Variants in SAXO1 observed in about 807,000 individuals in gnomAD.
The protein encoded by SAXO1 is stabilizer of axonemal microtubules 1.
In SAXO1, 21 loss-of-function variants were observed where a neutral mutation model predicts 17.5. That is an observed-to-expected ratio of 1.20 (90% confidence interval 0.85 to 1.72). The LOEUF (loss-of-function observed/expected upper bound fraction) is 1.72, where lower values mean the gene tolerates loss of function less well. SAXO1 is among the 40% of genes most tolerant of loss of function. SAXO1 has a pLI of 0.00. For missense variants in SAXO1, 843 were observed against 596.0 expected (o/e 1.41, Z -4.32); for synonymous variants, 274 against 216.5 (o/e 1.27, Z -2.33).
At chr9:19,039,526 G>T (rs1473752724) in intron 1 of SAXO1, among the ~76,000 whole-genome samples, 1 of 152,100 alleles carries the variant, frequency 6.6e-6, no homozygotes, top group Non-Finnish European at 1.5e-5. Flanking sequence ...CAGTGTTCAG[G>T]TTACCTTGAG....
chr9:18,997,327 G>C (rs1303329230), intron 1 of SAXO1, among the ~76,000 whole-genome samples: 4 of 152,244 alleles, frequency 2.6e-5, no homozygotes, highest in African/African-American at 4.8e-5. Flanking sequence ...CATGCCCACA[G>C]AGCCTTCTCA....
intron 1 of SAXO1, among the ~76,000 whole-genome samples, chr9:19,018,688 A>G (rs1835099838): frequency 6.6e-6 from 1 of 152,232 alleles, no homozygotes; most frequent in Non-Finnish European, 1.5e-5. Flanking sequence ...ACAGTACCCA[A>G]AAGTTATCCA....
intron 1 of SAXO1, among the ~76,000 whole-genome samples, chr9:19,024,012 CTTTTTTTTTTTTTTTTTT>C (rs71333077): frequency 1.6e-4 from 6 of 38,116 alleles, no homozygotes; most frequent in African/African-American, 2.2e-4. Context: ...CTCTTTAAGG[CTTTTTTTTTTTTTTTTTT>C]TTTTTTTTTT....
At chr9:18,935,821 G>T (rs10963847) in intron 3 of SAXO1, among the ~76,000 whole-genome samples, 57,226 of 151,966 alleles carry the variant, frequency 0.38, 11,003 homozygotes, top group East Asian at 0.53. Flanking sequence ...AACTCCTGGG[G>T]ATGCACTCTA....
intron 1 of SAXO1, among the ~76,000 whole-genome samples, chr9:19,005,159 C>G (rs1164932392): frequency 6.6e-6 from 1 of 152,092 alleles, no homozygotes; most frequent in Admixed American, 6.5e-5. Flanking sequence ...GATAGACACC[C>G]CATGTTGATG....
At position 19,032,854 on chromosome 9, in the gene SAXO1, G is replaced by A. The variant is rs1261557409; in HGVS notation, c.38+17C>T. ...ACCCAGGCTCCCCCAGCCTTGCCCT[G>A]GGCGTGGCCACCTTACCCGCAGGAG... On this transcript the variant is annotated intron_variant, in intron 1 of 3. Coordinates refer to ENST00000380534, the MANE Select transcript of SAXO1 (RefSeq NM_153707.4). 6.2e-7 allele frequency: 1 copy of A among 1,609,468 alleles called. No homozygotes were observed. The highest frequency in any genetic ancestry group is 2.2e-5 in the East Asian group (1 of 44,820).
chr9:18,971,523 T>C (rs1832942508), intron 1 of SAXO1, among the ~76,000 whole-genome samples: 1 of 152,130 alleles, frequency 6.6e-6, no homozygotes, highest in African/African-American at 2.4e-5. Flanking sequence ...CTACATTTAT[T>C]CCTCTGAGTA....
At chr9:19,009,923 C>A (rs1277248506) in intron 1 of SAXO1, among the ~76,000 whole-genome samples, 2 of 151,710 alleles carry the variant, frequency 1.3e-5, no homozygotes, top group East Asian at 3.9e-4. Context: ...GCCTCCTGGA[C>A]TCAAGCTATC....
chr9:18,964,704 T>C lies in SAXO1; in HGVS notation c.39-13767A>G, dbSNP rs187404483. Among the ~76,000 whole-genome samples the C allele has an allele frequency of 2.0e-3, 304 of 152,282 alleles. 1 individual carries two copies. Among genetic ancestry groups the C allele is most frequent in the African/African-American group, 7.1e-3 (294 of 41,572 alleles). ...TACTTTGTTAATCTTTTCTAAAAAC[T>C]AGTTCCTGGATTCATTGATTTTTTG... On this transcript the variant is annotated intron_variant, in intron 1 of 3. Transcript: ENST00000380534.
chr9:19,030,019 G>A (rs533621031), intron 1 of SAXO1, among the ~76,000 whole-genome samples: 1 of 152,264 alleles, frequency 6.6e-6, no homozygotes, highest in East Asian at 1.9e-4. Flanking sequence ...ATTAATCGAG[G>A]ATATAAAGCA....
At chr9:19,008,215 C>A (rs1174522815) in intron 1 of SAXO1, among the ~76,000 whole-genome samples, 1 of 152,064 alleles carries the variant, frequency 6.6e-6, no homozygotes, top group South Asian at 2.1e-4. Context: ...TAAGCTCAAG[C>A]GATCTGCCCA....
At chr9:18,934,535 ACTCT>A (rs1831204533) in intron 3 of SAXO1, among the ~76,000 whole-genome samples, 1 of 151,534 alleles carries the variant, frequency 6.6e-6, no homozygotes, top group African/African-American at 2.4e-5. Flanking sequence ...TGTTACTGAT[ACTCT>A]CTATTTGATG....
intron 3 of SAXO1, among the ~76,000 whole-genome samples, chr9:18,935,937 G>A: frequency 6.6e-6 from 1 of 152,134 alleles, no homozygotes; most frequent in East Asian, 1.9e-4. Context: ...GTGGGGATGG[G>A]GTGATGGAAG....
intron 1 of SAXO1, among the ~76,000 whole-genome samples, chr9:18,992,352 T>TC (rs1161591268): frequency 1.3e-5 from 2 of 152,226 alleles, no homozygotes; most frequent in Non-Finnish European, 2.9e-5. Context: ...GCTGGGATTC[T>TC]CCCTGTGTCT....
At chr9:19,042,731 G>A (rs530573380) in intron 1 of SAXO1, among the ~76,000 whole-genome samples, 3 of 152,166 alleles carry the variant, frequency 2.0e-5, no homozygotes, top group South Asian at 4.1e-4. Context: ...GCATGGTGGT[G>A]CATGCCTGTA....
chr9:19,030,417 A>G (rs1334039284), intron 1 of SAXO1, among the ~76,000 whole-genome samples: 1 of 151,520 alleles, frequency 6.6e-6, no homozygotes, highest in Admixed American at 6.6e-5. Context: ...TTTAGAAAAG[A>G]GTCAATGTGC....
At chr9:19,000,069 G>A (rs1371356929) in intron 1 of SAXO1, among the ~76,000 whole-genome samples, 1 of 148,512 alleles carries the variant, frequency 6.7e-6, no homozygotes, top group Admixed American at 6.6e-5. Context: ...TCTGGGAAGT[G>A]AGGAGTGCCT....
At chr9:18,964,457 A>G (rs4977481) in intron 1 of SAXO1, among the ~76,000 whole-genome samples, 86,395 of 152,094 alleles carry the variant, frequency 0.57, 27,091 homozygotes, top group Non-Finnish European at 0.7. Context: ...AGAACTTGTT[A>G]TTGGTCTATT....
At chr9:19,026,548 G>A (rs1280455916) in intron 1 of SAXO1, among the ~76,000 whole-genome samples, 1 of 152,096 alleles carries the variant, frequency 6.6e-6, no homozygotes, top group Non-Finnish European at 1.5e-5. Flanking sequence ...TTCAAATTTA[G>A]TCATCTGGGA....
Sources: gnomAD v4.1 joint callset for allele counts (sites outside exome capture counted in the v4.1 genomes callset) on GRCh38, gnomAD v4.1.1 for gene constraint, MANE v1.5 for transcripts, NCBI Gene and HGNC (gene_info 2026-07-23, HGNC 2026-07-21) for gene names.